The following NSD2 variants were observed in gnomAD, a reference collection of about 807,000 sequenced individuals.
NSD2 encodes the protein nuclear receptor binding SET domain protein 2, also known as histone-lysine N-methyltransferase NSD2.
NSD2 carries 12 observed loss-of-function variants against 139.0 expected under a neutral mutation model. The observed-to-expected ratio is 0.09, with a 90% CI of 0.06 to 0.14. The LOEUF (loss-of-function observed/expected upper bound fraction) is 0.14, where lower values mean the gene tolerates loss of function less well. Ranked by LOEUF, NSD2 falls within the 10% of genes least tolerant of loss-of-function variation. The pLI, the probability that NSD2 is intolerant of heterozygous loss-of-function variation, is 1.00. For synonymous variants in NSD2, 669 were observed against 648.7 expected (o/e 1.03, Z -0.48); for missense variants, 1,155 against 1,745.0 (o/e 0.66, Z 6.02).
chr4:1,975,039 G>T (rs1425972554), intron 19 of NSD2, 35 bp downstream of exon 19: 2 of 1,613,296 alleles, frequency 1.2e-6, no homozygotes, highest in Admixed American at 3.3e-5. Context: ...GGGGCTCCTG[G>T]CTATGGGGGC....
In NSD2 at chr4:1,948,503, G is replaced by T. The variant is rs368737664; in HGVS notation, c.1882-2569G>T. The T allele has an allele frequency of 7.2e-5, 77 of 1,064,476 alleles. No homozygotes were observed. The Middle Eastern group carries it at 3.8e-3, about 52-fold the overall frequency. 65.9% of individuals were successfully genotyped at this position (1,064,476 alleles called of 1,614,324 possible). ...CTTGCGGGTGGTTGCCGAGCCGAGA[G>T]CATTGGATCCTCCCCGACTGTGGCT... On this transcript the variant is annotated intron_variant, in intron 9 of 21. Transcript: ENST00000508803. The surrounding 1 kb of genome is among the most constrained non-coding windows in gnomAD (Gnocchi z 4.5).
At position 1,939,710 on chromosome 4, in the gene NSD2, A is replaced by C; in HGVS notation, c.1813A>C (p.Thr605Pro). ...KPLKKRNRAS[T>P]AASSALGFSK... ...ACTGAAGAAGCGAAATCGGGCTTCCACGGCAGCATCTTCAGCTCTTGGGTT... is the reference window on the plus strand; with the variant it reads ...ACTGAAGAAGCGAAATCGGGCTTCCCCGGCAGCATCTTCAGCTCTTGGGTT... The change falls in exon 9 of 22, where the codon ACG (threonine) becomes CCG (proline). Residue 605 changes from threonine to proline, a missense_variant. Physicochemically the swap from Thr to Pro is conservative, Grantham distance 38. This residue lies in a region of NSD2 where 420 missense variants were observed against 469.0 expected (regional missense o/e 0.90). Transcript: ENST00000508803. The C allele has an allele frequency of 6.2e-7, 1 of 1,614,256 alleles. No individual in the cohort carries two copies. Among genetic ancestry groups the C allele is most frequent in the East Asian group, 2.2e-5 (1 of 44,894 alleles).
At chr4:1,912,889 C>T (rs1718861568) in intron 3 of NSD2, among the ~76,000 whole-genome samples, 1 of 152,018 alleles carries the variant, frequency 6.6e-6, no homozygotes, top group Non-Finnish European at 1.5e-5. Context: ...ACATTGTTTT[C>T]TGTAGTTCTA....
At chr4:1,898,080 C>T (rs936938454) in intron 1 of NSD2, among the ~76,000 whole-genome samples, 7 of 152,010 alleles carry the variant, frequency 4.6e-5, no homozygotes, top group African/African-American at 1.4e-4. Context: ...ATCTGTGAGG[C>T]TCTGCTTCCT....
In NSD2 at chr4:1,948,906, A is replaced by G; in HGVS notation, c.1882-2166A>G. 1 of 734,476 alleles carries G rather than the reference A, an allele frequency of 1.4e-6. No individual in the cohort carries two copies. The highest frequency in any genetic ancestry group is 1.7e-6 in the Non-Finnish European group (1 of 592,910). 45.5% of individuals were successfully genotyped at this position (734,476 alleles called of 1,614,324 possible). Reference sequence around the variant, plus strand: ...CTTTTTAAGTTTGTTCCACCACGTTAAGGGAAGAGCATGGGTTGGTGGATA... The same window carrying G: ...CTTTTTAAGTTTGTTCCACCACGTTGAGGGAAGAGCATGGGTTGGTGGATA... On this transcript the variant is annotated intron_variant, in intron 9 of 21. Transcript: ENST00000508803. The surrounding 1 kb of genome is among the most constrained non-coding windows in gnomAD (Gnocchi z 4.5).
Position 1,973,662 on chromosome 4 carries a change from G to C in NSD2, c.3373-1201G>C, listed in dbSNP as rs944455720. Among the ~76,000 whole-genome samples the C allele has an allele frequency of 2.0e-5, 3 of 152,256 alleles. No homozygotes were observed. Among genetic ancestry groups the C allele is most frequent in the African/African-American group, 7.2e-5 (3 of 41,466 alleles). The stretch of plus-strand genomic sequence containing the variant: ...ACGGGGCCAGCGGTCCCAGACAGGG[G>C]CACCCTGGGAGATTGCACCAGGGCT... On this transcript the variant is annotated intron_variant, in intron 18 of 21. Coordinates refer to ENST00000508803, the MANE Select transcript of NSD2 (RefSeq NM_001042424.3). This position sits in a 1 kb window ranked among gnomAD's most constrained non-coding sequence, Gnocchi z 5.5.
intron 7 of NSD2, 91 bp downstream of exon 7, chr4:1,935,353 A>G: frequency 1.0e-6 from 1 of 961,112 alleles, no homozygotes; most frequent in Non-Finnish European, 1.6e-6. Context: ...CACACATGAG[A>G]TGCAGGTGTC....
chr4:1,946,669 A>G, intron 9 of NSD2: 2 of 1,037,182 alleles, frequency 1.9e-6, no homozygotes, highest in Non-Finnish European at 1.2e-6. Context: ...TTATTGTTTT[A>G]TGTAGAATGT....
intron 12 of NSD2, 32 bp downstream of exon 12, chr4:1,953,556 G>T (rs371286749): frequency 6.4e-7 from 1 of 1,571,570 alleles, no homozygotes. Context: ...CTTGCTGTGG[G>T]TTCAGATGCA....
intron 9 of NSD2, chr4:1,945,471 G>C: frequency 9.4e-7 from 1 of 1,063,628 alleles, no homozygotes; most frequent in Non-Finnish European, 1.1e-6. Context: ...AGAAAACTAA[G>C]ATTATAAATT....
chr4:1,929,876 C>G (rs1721427802), intron 5 of NSD2, among the ~76,000 whole-genome samples: 1 of 152,074 alleles, frequency 6.6e-6, no homozygotes, highest in African/African-American at 2.4e-5. Context: ...TGGGTGGGAC[C>G]TAAGCACCAT....
intron 9 of NSD2, chr4:1,940,164 A>G (rs1722940833): frequency 9.0e-7 from 1 of 1,105,066 alleles, no homozygotes; most frequent in Non-Finnish European, 1.1e-6. Flanking sequence ...GCTGACATAT[A>G]CTGGGTGGGG....
intron 11 of NSD2, among the ~76,000 whole-genome samples, chr4:1,952,564 C>T (rs1175451707): frequency 6.6e-6 from 1 of 152,180 alleles, no homozygotes; most frequent in Non-Finnish European, 1.5e-5. Context: ...AGGGCACTGC[C>T]GCTCAGACAG....
At position 1,958,136 on chromosome 4, in the gene NSD2, G is replaced by C; in HGVS notation, c.2985+100G>C. 4 of 1,205,458 alleles carry C rather than the reference G, an allele frequency of 3.3e-6. No individual in the cohort carries two copies. The highest frequency in any genetic ancestry group is 3.6e-6 in the Non-Finnish European group (3 of 842,056). 74.7% of individuals were successfully genotyped at this position (1,205,458 alleles called of 1,614,324 possible). ...CCAGGCTATGGCTGGGGAGAGGACT[G>C]TCACCAGCCAGGATCTGTGGTGCCT... On this transcript the variant is annotated intron_variant, in intron 16 of 21. Coordinates refer to ENST00000508803, the MANE Select transcript of NSD2 (RefSeq NM_001042424.3). This position sits in a 1 kb window ranked among gnomAD's most constrained non-coding sequence, Gnocchi z 4.6.
At chr4:1,888,796 C>T (rs2108693015) in intron 1 of NSD2, among the ~76,000 whole-genome samples, 1 of 152,034 alleles carries the variant, frequency 6.6e-6, no homozygotes, top group South Asian at 2.1e-4. Context: ...AAACTCCTGG[C>T]CTCAAGTGAT....
rs985155350 is a variant in NSD2, at chr4:1,975,073, C to T, written c.3514+69C>T. 170 of 1,604,224 alleles carry T rather than the reference C, an allele frequency of 1.1e-4. 1 individual carries two copies. Among genetic ancestry groups the T allele is most frequent in the South Asian group, 6.7e-4 (61 of 90,674 alleles). ...GCAGAGTGGCCATCGCTGAGGGCTG[C>T]GTGGGGCTGGACTGGAAAGGCTCTG... On this transcript the variant is annotated intron_variant, in intron 19 of 21. Transcript: ENST00000508803.
chr4:1,889,698 CATGTTGG>C (rs1324585609), intron 1 of NSD2, among the ~76,000 whole-genome samples: 2 of 151,976 alleles, frequency 1.3e-5, no homozygotes, highest in Admixed American at 6.6e-5. Flanking sequence ...AGAGTTTCAT[CATGTTGG>C]TCAGGCTGGT....
chr4:1,969,237 A>G (rs1327421538), intron 18 of NSD2, among the ~76,000 whole-genome samples: 1 of 152,154 alleles, frequency 6.6e-6, no homozygotes, highest in Admixed American at 6.5e-5. Context: ...GGAAGGCAAC[A>G]TGCTGGAAGG....
rs372660600 is a variant in NSD2 at position 1,911,587 on chromosome 4, CAAA to C, written c.761-5266_761-5264del. 1.4e-4 allele frequency among the ~76,000 whole-genome samples: 6 copies of C among 42,086 alleles called. No individual in the cohort carries two copies. The Admixed American group carries it at 1.8e-3, about 13-fold the overall frequency. 27.6% of individuals were successfully genotyped at this position (42,086 alleles called of 152,430 possible). On this transcript the variant is annotated intron_variant, in intron 3 of 21. Coordinates refer to ENST00000508803, the MANE Select transcript of NSD2 (RefSeq NM_001042424.3). ...TGGGCGACAGAGCGAGACGCCATCT[CAAA>C]AAAAAAAAAAAAAAAAAGAAAAAAA... is the stretch of plus-strand genomic sequence containing the variant.
Sources: gnomAD v4.1 joint callset for allele counts (sites outside exome capture counted in the v4.1 genomes callset) on GRCh38, gnomAD v4.1.1 for gene constraint, gnomAD v4.1.1 regional missense constraint, Gnocchi (gnomAD v3.1) non-coding constraint, MANE v1.5 for transcripts, NCBI Gene and HGNC (gene_info 2026-07-23, HGNC 2026-07-21) for gene names.